Variants in MAN2C1 observed in about 807,000 individuals in gnomAD.
MAN2C1 encodes the protein mannosidase alpha class 2C member 1, also known as alpha-mannosidase 2C1.
Under a neutral mutation model 126.9 loss-of-function variants are expected in MAN2C1, and 111 were observed. The ratio of observed to expected loss-of-function variants is 0.87; its 90% CI spans 0.75 to 1.02. The LOEUF is 1.02. MAN2C1 is among the 50% of genes least tolerant of loss of function. The pLI is 0.00. For synonymous variants in MAN2C1, 567 were observed against 561.5 expected (o/e 1.01, Z -0.14); for missense variants, 1,363 against 1,364.4 (o/e 1.00, Z 0.02).
In MAN2C1 at chr15:75,359,363, G is replaced by T; in HGVS notation, c.2011C>A (p.Leu671Met). Residue 671 changes from leucine to methionine, a missense_variant, in exon 17 of 26, where the codon CTG (leucine) becomes ATG (methionine). This residue lies in a region of MAN2C1 where 668 missense variants were observed against 650.1 expected (regional missense o/e 1.03). Coordinates refer to ENST00000267978, the MANE Select transcript of MAN2C1 (RefSeq NM_006715.4). ...ACGAACACAGGCTGCTGGGGCAGCAGGGGCTGCAGTGAGGTGGGGGGAGGA... is the reference window on the plus strand; with the variant it reads ...ACGAACACAGGCTGCTGGGGCAGCATGGGCTGCAGTGAGGTGGGGGGAGGA... ...PVPPPTSLQPLLPQQPVFVVQ... is the reference protein window; with the variant it reads ...PVPPPTSLQPMLPQQPVFVVQ... 6.2e-7 allele frequency: 1 copy of T among 1,603,704 alleles called. No homozygotes were observed. Among genetic ancestry groups the T allele is most frequent in the Non-Finnish European group, 8.5e-7 (1 of 1,175,210 alleles).
chr15:75,364,110 G>T lies in MAN2C1; in HGVS notation c.679C>A (p.Gln227Lys). Residue 227 changes from glutamine (Q) to lysine (K), a missense_variant, in exon 6 of 26, where the codon CAG (glutamine) becomes AAG (lysine). Coordinates refer to ENST00000267978, the MANE Select transcript of MAN2C1 (RefSeq NM_006715.4). ...NQMVNVCDPA[Q>K]PETFPVAQAL... ...TGGGCCACTGGGAAGGTCTCGGGCT[G>T]GGCAGGGTCACACACGTTCACCATC... 1.2e-6 allele frequency: 2 copies of T among 1,614,234 alleles called. No homozygotes were observed. The highest frequency in any genetic ancestry group is 1.7e-6 in the Non-Finnish European group (2 of 1,180,028).
In MAN2C1 at chr15:75,356,983, C is replaced by A; in HGVS notation, c.2548-81G>T. ...AGACTCCAGAGCTCCTGTCACTAGG[C>A]CGAGCACAAGCTCTAGAACCACACA... On this transcript the variant is annotated intron_variant, in intron 21 of 25. Transcript: ENST00000267978. This position sits in a 1 kb window ranked among gnomAD's most constrained non-coding sequence, Gnocchi z 5.8. The A allele has an allele frequency of 1.7e-6, 2 of 1,170,312 alleles. No homozygotes were observed. The highest frequency in any genetic ancestry group is 1.3e-6 in the Non-Finnish European group (1 of 795,620). The allele number at this position is 1,170,312 out of a possible 1,614,324, so 72.5% of individuals were successfully genotyped here.
At position 75,356,975 on chromosome 15, in the gene MAN2C1, T is replaced by C; in HGVS notation, c.2548-73A>G. 1 of 1,252,968 alleles carries C rather than the reference T, an allele frequency of 8.0e-7. No homozygotes were observed. Among genetic ancestry groups the C allele is most frequent in the South Asian group, 1.2e-5 (1 of 80,488 alleles). The allele number at this position is 1,252,968 out of a possible 1,614,324, so 77.6% of individuals were successfully genotyped here. ...GTGCTCCCAGACTCCAGAGCTCCTG[T>C]CACTAGGCCGAGCACAAGCTCTAGA... On this transcript the variant is annotated intron_variant, in intron 21 of 25. Transcript: ENST00000267978. This position sits in a 1 kb window ranked among gnomAD's most constrained non-coding sequence, Gnocchi z 5.8.
In MAN2C1 at chr15:75,361,256, C is replaced by T. The variant is rs1468002176; in HGVS notation, c.1314+30G>A. 3 of 1,582,162 alleles carry T rather than the reference C, an allele frequency of 1.9e-6. No homozygotes were observed. Among genetic ancestry groups the T allele is most frequent in the East Asian group, 2.3e-5 (1 of 43,872 alleles). ...ACAAGCCAGCCCTCTCCAGCCTGCC[C>T]CTACCCCACCACCCTAGGTGACCCC... On this transcript the variant is annotated intron_variant, in intron 11 of 25. Coordinates refer to ENST00000267978, the MANE Select transcript of MAN2C1 (RefSeq NM_006715.4). The surrounding 1 kb of genome is among the most constrained non-coding windows in gnomAD (Gnocchi z 5.0).
rs759557637 is a variant in MAN2C1 at position 75,356,320 on chromosome 15, A to ACGACCG, written c.2861_2866dup (p.Ala954_Val955dup). On this transcript the variant is annotated inframe_insertion, in exon 24 of 26. Transcript: ENST00000267978. The surrounding 1 kb of genome is among the most constrained non-coding windows in gnomAD (Gnocchi z 5.8). ...CCTTGCCTGCTTGACGGTCTCCAATACGACCGCGGGTGAAGACACGGAAAA... is the reference window on the plus strand; with the variant it reads ...CCTTGCCTGCTTGACGGTCTCCAATACGACCGCGACCGCGGGTGAAGACACGGAAAA... 8.1e-6 allele frequency: 13 copies of ACGACCG among 1,611,366 alleles called. No homozygotes were observed. Among genetic ancestry groups the ACGACCG allele is most frequent in the South Asian group, 3.3e-5 (3 of 90,776 alleles).
chr15:75,364,827 G>A (rs923025001), intron 4 of MAN2C1, among the ~76,000 whole-genome samples, 162 bp from the exon 5 acceptor site: 1 of 152,212 alleles, frequency 6.6e-6, no homozygotes, highest in Non-Finnish European at 1.5e-5. Context: ...ATGTGGGAGG[G>A]TTGTGGTACA....
rs77463819 is a variant in MAN2C1, at chr15:75,356,985, G to A, written c.2548-83C>T. On this transcript the variant is annotated intron_variant, in intron 21 of 25. Coordinates refer to ENST00000267978, the MANE Select transcript of MAN2C1 (RefSeq NM_006715.4). The surrounding 1 kb of genome is among the most constrained non-coding windows in gnomAD (Gnocchi z 5.8). ...ACTCCAGAGCTCCTGTCACTAGGCC[G>A]AGCACAAGCTCTAGAACCACACAAC... is the stretch of plus-strand genomic sequence containing the variant. 0.049 allele frequency: 56,250 copies of A among 1,137,252 alleles called. 3,892 individuals carry two copies. Among genetic ancestry groups the A allele is most frequent in the African/African-American group, 0.3 (19,688 of 65,496 alleles). 70.4% of individuals were successfully genotyped at this position (1,137,252 alleles called of 1,614,324 possible). A position where few individuals can be genotyped will look rare whatever the true frequency, so the allele number is the denominator to read the frequency against.
At chr15:75,363,423 T>TA (rs2072516042) in intron 6 of MAN2C1, 2 of 408,576 alleles carry the variant, frequency 4.9e-6, no homozygotes, top group Non-Finnish European at 1.0e-5. Flanking sequence ...TCCCCACCAT[T>TA]GTGACACCAA....
chr15:75,360,265 C>T (rs1450841066), intron 13 of MAN2C1, 54 bp from the exon 14 acceptor site: 14 of 1,590,732 alleles, frequency 8.8e-6, no homozygotes, highest in Non-Finnish European at 1.1e-5. Flanking sequence ...TCCCAGGACA[C>T]CTTCCAAAGC....
rs1408081966 is a variant in MAN2C1, at chr15:75,358,713, A to G, written c.2237T>C (p.Leu746Pro). ...WDAWDVMDYH[L>P]ETRKPVLGQA... ...GCTGCCCAGCCTATACCGTGTCTCC[A>G]GGTGGTAGTCCATGACGTCCCATGC... is the stretch of plus-strand genomic sequence containing the variant. Residue 746 changes from leucine to proline, a missense_variant, in exon 19 of 26, where the codon CTG (leucine) becomes CCG (proline). Around this residue, in one of 3 missense-constraint regions of MAN2C1, gnomAD observed 668 missense variants for 650.1 expected, o/e 1.03. Coordinates refer to ENST00000267978, the MANE Select transcript of MAN2C1 (RefSeq NM_006715.4). 10 of 554,200 alleles carry G rather than the reference A, an allele frequency of 1.8e-5. No homozygotes were observed. Among genetic ancestry groups the G allele is most frequent in the Non-Finnish European group, 2.6e-5 (9 of 351,654 alleles). The allele number at this position is 554,200 out of a possible 1,614,324, so 34.3% of individuals were successfully genotyped here. A position where few individuals can be genotyped will look rare whatever the true frequency, so the allele number is the denominator to read the frequency against.
intron 21 of MAN2C1, 154 bp downstream of exon 21, chr15:75,358,047 G>A (rs1378786383): frequency 6.4e-6 from 6 of 939,186 alleles, no homozygotes; most frequent in Non-Finnish European, 6.4e-6. Flanking sequence ...GAGCCACTGT[G>A]CCTTGCCAAT....
In MAN2C1 at chr15:75,356,802, C is replaced by T. The variant is rs2072324933; in HGVS notation, c.2648G>A (p.Ser883Asn). 2 of 1,613,964 alleles carry T rather than the reference C, an allele frequency of 1.2e-6. No individual in the cohort carries two copies. The highest frequency in any genetic ancestry group is 1.3e-5 in the African/African-American group (1 of 74,954). The change falls in exon 22 of 26, where the codon AGC (serine) becomes AAC (asparagine). Residue 883 changes from serine (S) to asparagine (N), a missense_variant. By Grantham distance (46) the Ser-to-Asn change is conservative. Around this residue, in one of 3 missense-constraint regions of MAN2C1, gnomAD observed 668 missense variants for 650.1 expected, o/e 1.03. Transcript: ENST00000267978. This position sits in a 1 kb window ranked among gnomAD's most constrained non-coding sequence, Gnocchi z 5.8. ...YGASVRGSIL[S>N]LSLLRAPKAP... ...TGGGTACCCCACTTACAGCGAGAGG[C>T]TGAGGATGCTGCCTCGCACTGACGC...
rs772060506 is a variant in MAN2C1, at chr15:75,358,628, AG to A, written c.2247-11del. On this transcript the variant is annotated splice_polypyrimidine_tract_variant and intron_variant, in intron 19 of 25. Transcript: ENST00000267978. ...GCCCAGCACAGGCTTCCTATGGGAC[AG>A]GGGTGGACATACTGATCCAGAGCAG... 19 of 1,612,596 alleles carry A rather than the reference AG, an allele frequency of 1.2e-5. No individual in the cohort carries two copies. The highest frequency in any genetic ancestry group is 1.5e-5 in the Non-Finnish European group (18 of 1,179,538).
chr15:75,362,373 A>C lies in MAN2C1; in HGVS notation c.978T>G (p.Phe326Leu), dbSNP rs775563126. 1 of 1,613,994 alleles carries C rather than the reference A, an allele frequency of 6.2e-7. No individual in the cohort carries two copies. The highest frequency in any genetic ancestry group is 1.7e-5 in the Admixed American group (1 of 60,026). ...CCACCCAGGTGCCCCCCACAGGCAC[A>C]AACTGCCCACGGCACGCAAACTCCT... ...RIQEFACRGQ[F>L]VPVGGTWVEM... Residue 326 changes from phenylalanine (F) to leucine (L), a missense_variant, in exon 8 of 26, where the codon TTT (phenylalanine) becomes TTG (leucine). By Grantham distance (22) the Phe-to-Leu change is conservative. Around this residue, in one of 3 missense-constraint regions of MAN2C1, gnomAD observed 628 missense variants for 609.8 expected, o/e 1.03. Transcript: ENST00000267978. The surrounding 1 kb of genome is among the most constrained non-coding windows in gnomAD (Gnocchi z 4.5).
chr15:75,364,924 A>G (rs1021608768), intron 4 of MAN2C1, among the ~76,000 whole-genome samples: 2 of 152,220 alleles, frequency 1.3e-5, no homozygotes, highest in African/African-American at 4.8e-5. Context: ...GTTTAGTCTT[A>G]TATTTCCAAA....
In MAN2C1 at chr15:75,362,077, G is replaced by A; in HGVS notation, c.1009-130C>T. On this transcript the variant is annotated intron_variant, in intron 8 of 25. Transcript: ENST00000267978. The surrounding 1 kb of genome is among the most constrained non-coding windows in gnomAD (Gnocchi z 4.5). ...ACATGGGAGTTACAGCCAGAACTCA[G>A]GAAGGGCCCCTGTCCTTCAGGCCTG... is the stretch of plus-strand genomic sequence containing the variant. The A allele has an allele frequency of 2.6e-6, 2 of 755,306 alleles. No homozygotes were observed. The highest frequency in any genetic ancestry group is 4.5e-6 in the Non-Finnish European group (2 of 443,714). The allele number at this position is 755,306 out of a possible 1,614,324, so 46.8% of individuals were successfully genotyped here.
At chr15:75,358,871 G>A in intron 18 of MAN2C1, 63 bp from the exon 19 acceptor site, 2 of 1,430,170 alleles carry the variant, frequency 1.4e-6, no homozygotes, top group Non-Finnish European at 2.0e-6. Context: ...GCTGCTCTTG[G>A]TGGGGTAGGG....
chr15:75,360,384 T>C (rs2072442647), intron 13 of MAN2C1, 173 bp from the exon 14 acceptor site: 3 of 1,291,686 alleles, frequency 2.3e-6, no homozygotes, highest in Non-Finnish European at 2.1e-6. Flanking sequence ...GCCCAAACCC[T>C]TCTTTCTTCA....
chr15:75,358,119 C>T (rs1289734871), intron 21 of MAN2C1, 82 bp downstream of exon 21: 23 of 1,538,570 alleles, frequency 1.5e-5, no homozygotes, highest in Non-Finnish European at 2.1e-5. Flanking sequence ...TGATTATCCT[C>T]TTCCTCCCCA....
Sources: gnomAD v4.1 joint callset for allele counts (sites outside exome capture counted in the v4.1 genomes callset) on GRCh38, gnomAD v4.1.1 for gene constraint, gnomAD v4.1.1 regional missense constraint, Gnocchi (gnomAD v3.1) non-coding constraint, MANE v1.5 for transcripts, NCBI Gene and HGNC (gene_info 2026-07-23, HGNC 2026-07-21) for gene names.